RYR3: variants seen among roughly 807,000 people sequenced by gnomAD.
RYR3 encodes brain ryanodine receptor-calcium release channel.
A neutral mutation model predicts 584.3 loss-of-function variants in RYR3; 207 were observed. The observed-to-expected ratio is 0.35, with a 90% confidence interval of 0.32 to 0.40. RYR3 has a LOEUF of 0.40. RYR3 is among the 10% of genes least tolerant of loss of function. The pLI, the probability that RYR3 is intolerant of heterozygous loss-of-function variation, is 1.00. For synonymous variants in RYR3, 2,416 were observed against 2,248.5 expected (o/e 1.07, Z -2.11); for missense variants, 5,616 against 6,089.2 (o/e 0.92, Z 2.59).
intron 94 of RYR3, chr15:33,849,067 A>G (rs1312825171): frequency 6.6e-6 from 1 of 152,188 alleles, no homozygotes; most frequent in African/African-American, 2.4e-5. Context: ...CGATCTCCTG[A>G]TCTGGTGATC....
intron 14 of RYR3, 32 bp downstream of exon 14, chr15:33,581,675 A>T (rs965427879): frequency 2.3e-5 from 36 of 1,596,898 alleles, no homozygotes; most frequent in Non-Finnish European, 2.9e-5. Context: ...TCTCCCTGGG[A>T]TGATTTCCAT....
intron 52 of RYR3, among the ~76,000 whole-genome samples, chr15:33,745,169 T>G (rs1429882905): frequency 6.6e-6 from 1 of 152,066 alleles, no homozygotes; most frequent in African/African-American, 2.4e-5. Flanking sequence ...GCTTGGAAAG[T>G]GAGCATAAGC....
At chr15:33,633,360 C>G (rs1207568818) in intron 24 of RYR3, among the ~76,000 whole-genome samples, 1 of 152,202 alleles carries the variant, frequency 6.6e-6, no homozygotes, top group Non-Finnish European at 1.5e-5. Flanking sequence ...GGGAAGCTAG[C>G]CCAGCACAGC....
chr15:33,810,467 A>G lies in RYR3; in HGVS notation c.10027-12A>G. 6.2e-7 allele frequency: 1 copy of G among 1,613,770 alleles called. No homozygotes were observed. Among genetic ancestry groups the G allele is most frequent in the Non-Finnish European group, 8.5e-7 (1 of 1,179,734 alleles). On this transcript the variant is annotated splice_polypyrimidine_tract_variant and intron_variant, in intron 70 of 103. Transcript: ENST00000634891. ...TGAACCCCTCTCTGTTTATTTCAACATCATCTCCTAGTCTGGAGGACAAGA... is the reference window on the plus strand; with the variant it reads ...TGAACCCCTCTCTGTTTATTTCAACGTCATCTCCTAGTCTGGAGGACAAGA...
At chr15:33,740,094 C>T (rs1021558029) in intron 51 of RYR3, 99 bp downstream of exon 51, 4 of 978,444 alleles carry the variant, frequency 4.1e-6, no homozygotes, top group African/African-American at 1.6e-5. Flanking sequence ...ACCTCTTTCC[C>T]TCCTGCCAAC....
intron 1 of RYR3, among the ~76,000 whole-genome samples, chr15:33,448,077 AG>A: frequency 6.6e-6 from 1 of 152,354 alleles, no homozygotes; most frequent in South Asian, 2.1e-4. Context: ...GTTAAATTGG[AG>A]CAAAGCAAAT....
At chr15:33,571,626 A>C (rs1307608851) in intron 12 of RYR3, among the ~76,000 whole-genome samples, 1 of 152,040 alleles carries the variant, frequency 6.6e-6, no homozygotes, top group Non-Finnish European at 1.5e-5. Context: ...GAATGTGCAG[A>C]TTATGTTTTT....
At chr15:33,352,488 C>G (rs1358025254) in intron 1 of RYR3, among the ~76,000 whole-genome samples, 2 of 152,078 alleles carry the variant, frequency 1.3e-5, no homozygotes, top group Non-Finnish European at 2.9e-5. Flanking sequence ...TGAGCCAAGC[C>G]CACCACACTC....
intron 1 of RYR3, among the ~76,000 whole-genome samples, chr15:33,441,554 G>T (rs904374265): frequency 2.0e-5 from 3 of 151,984 alleles, no homozygotes; most frequent in African/African-American, 7.3e-5. Context: ...GTAGAAGTGG[G>T]GACTTAAACC....
intron 1 of RYR3, among the ~76,000 whole-genome samples, chr15:33,441,210 T>C (rs1382465781): frequency 6.6e-6 from 1 of 152,186 alleles, no homozygotes; most frequent in Non-Finnish European, 1.5e-5. Flanking sequence ...TAAGAATGCT[T>C]AGAGGAAATT....
intron 60 of RYR3, 183 bp downstream of exon 60, chr15:33,757,779 G>A (rs976020710): frequency 1.7e-5 from 11 of 652,034 alleles, no homozygotes; most frequent in Non-Finnish European, 2.9e-5. Flanking sequence ...AACCAATTGA[G>A]GTATACTGTG....
intron 1 of RYR3, among the ~76,000 whole-genome samples, chr15:33,467,064 A>G (rs2048548909): frequency 6.6e-6 from 1 of 152,248 alleles, no homozygotes; most frequent in Non-Finnish European, 1.5e-5. Flanking sequence ...AAGTCTTAGA[A>G]TAAGTGCACA....
intron 60 of RYR3, 83 bp downstream of exon 60, chr15:33,757,679 T>A: frequency 8.3e-6 from 12 of 1,438,820 alleles, no homozygotes; most frequent in Non-Finnish European, 1.0e-5. Flanking sequence ...AAAAGGCGAG[T>A]CTTTTGGAGA....
chr15:33,616,558 T>C (rs1367457499), intron 19 of RYR3, among the ~76,000 whole-genome samples: 1 of 152,146 alleles, frequency 6.6e-6, no homozygotes, highest in African/African-American at 2.4e-5. Context: ...AAGAATGAGA[T>C]GACTAATCAT....
At chr15:33,809,807 C>T (rs1389133060) in intron 70 of RYR3, among the ~76,000 whole-genome samples, 2 of 151,940 alleles carry the variant, frequency 1.3e-5, no homozygotes, top group South Asian at 2.1e-4. Flanking sequence ...GGCCTGGATT[C>T]CTCTCTTAAA....
intron 48 of RYR3, among the ~76,000 whole-genome samples, 155 bp from the exon 49 acceptor site, chr15:33,736,080 G>A (rs1192295953): frequency 6.6e-6 from 1 of 152,136 alleles, no homozygotes; most frequent in Non-Finnish European, 1.5e-5. Context: ...CTTTTCAAGT[G>A]TTTCATCATC....
In RYR3 at chr15:33,738,446, C is replaced by G; in HGVS notation, c.7516-4C>G. 1 of 1,611,704 alleles carries G rather than the reference C, an allele frequency of 6.2e-7. No homozygotes were observed. The highest frequency in any genetic ancestry group is 8.5e-7 in the Non-Finnish European group (1 of 1,178,728). ...GCTGGTCTGTCCTGTTCTGCACCTC[C>G]CAGCTTCTGACGAATCACTATGAAC... On this transcript the variant is annotated splice_polypyrimidine_tract_variant and splice_region_variant and intron_variant, in intron 49 of 103. Coordinates refer to ENST00000634891, the MANE Select transcript of RYR3 (RefSeq NM_001036.6).
intron 95 of RYR3, among the ~76,000 whole-genome samples, 188 bp downstream of exon 95, chr15:33,853,275 T>G (rs1259457761): frequency 2.6e-5 from 4 of 152,272 alleles, no homozygotes; most frequent in Non-Finnish European, 4.4e-5. Context: ...TATACTCATC[T>G]GCCTTAAACA....
At chr15:33,513,395 C>G (rs1370166592) in intron 3 of RYR3, among the ~76,000 whole-genome samples, 3 of 152,140 alleles carry the variant, frequency 2.0e-5, no homozygotes, top group Non-Finnish European at 4.4e-5. Context: ...GACCAACACT[C>G]CAGTCCTATG....
Sources: allele counts gnomAD v4.1 joint callset (sites outside exome capture counted in the v4.1 genomes callset), GRCh38; gene constraint gnomAD v4.1.1; transcripts MANE v1.5; gene names NCBI Gene and HGNC (gene_info 2026-07-23, HGNC 2026-07-21).